RNF170: variants seen among roughly 807,000 people sequenced by gnomAD.
The protein encoded by RNF170 is E3 ubiquitin-protein ligase RNF170.
In RNF170, 12 loss-of-function variants were observed where a neutral mutation model predicts 32.7. That is an observed-to-expected ratio of 0.37 (90% CI 0.24 to 0.60). The LOEUF (loss-of-function observed/expected upper bound fraction) is 0.60. RNF170 is among the 20% of genes least tolerant of loss of function. The pLI, the probability that RNF170 is intolerant of heterozygous loss-of-function variation, is 0.72. For missense variants in RNF170, 212 were observed against 311.2 expected (o/e 0.68, Z 2.40); for synonymous variants, 91 against 103.6 (o/e 0.88, Z 0.74).
chr8:42,896,757 G>GAA (rs1563283365), upstream of RNF170: 14 of 144,542 alleles, frequency 9.7e-5, no homozygotes, highest in African/African-American at 3.6e-4. Flanking sequence ...CAGCGGCGGC[G>GAA]GCGGCGGCGG....
chr8:42,897,120 G>C, upstream of RNF170: 2 of 1,244,230 alleles, frequency 1.6e-6, no homozygotes, highest in Non-Finnish European at 2.0e-6. Flanking sequence ...CTGCCTGGCC[G>C]CGGCGGGGAA....
intron 1 of RNF170, among the ~76,000 whole-genome samples, chr8:42,893,216 G>T (rs1458701625): frequency 6.6e-6 from 1 of 152,112 alleles, no homozygotes; most frequent in Non-Finnish European, 1.5e-5. Context: ...CAAAAACAAG[G>T]TTATTAAATG....
chr8:42,885,555 C>A (rs1248413059), intron 2 of RNF170, among the ~76,000 whole-genome samples: 3 of 152,114 alleles, frequency 2.0e-5, no homozygotes, highest in Admixed American at 6.6e-5. Context: ...TGCTCCACAC[C>A]CTTGCCAATG....
intron 5 of RNF170, 80 bp downstream of exon 5, chr8:42,865,332 ATAAT>A: frequency 9.9e-7 from 1 of 1,007,804 alleles, no homozygotes; most frequent in Admixed American, 1.7e-5. Flanking sequence ...AAAGACAATA[ATAAT>A]TCCAAATGTA....
upstream of RNF170, chr8:42,897,291 G>C (rs566757417): frequency 1.3e-6 from 1 of 770,546 alleles, no homozygotes; most frequent in South Asian, 6.6e-5. Context: ...CGACGGTGCC[G>C]TCACATCCGG....
In RNF170 at chr8:42,855,078, C is replaced by T; in HGVS notation, c.*1081G>A. On this transcript the variant is annotated 3_prime_UTR_variant, in exon 7 of 7. Transcript: ENST00000527424. ...AGATTCACCTTCCTCAGAAATGCAT[C>T]AGGCTACTCTGTGTTTGCAGCATCG... 7.8e-7 allele frequency: 1 copy of T among 1,287,238 alleles called. No homozygotes were observed. Among genetic ancestry groups the T allele is most frequent in the Non-Finnish European group, 1.0e-6 (1 of 988,694 alleles). 79.7% of individuals were successfully genotyped at this position (1,287,238 alleles called of 1,614,324 possible).
At chr8:42,897,091 T>C, upstream of RNF170, 1 of 1,236,542 alleles carries the variant, frequency 8.1e-7, no homozygotes, top group Non-Finnish European at 1.0e-6. Context: ...GGCGGCGGTG[T>C]CTGGCCAGGC....
In RNF170 at chr8:42,887,783, C is replaced by G; in HGVS notation, c.82G>C (p.Val28Leu). The G allele has an allele frequency of 6.2e-7, 1 of 1,613,882 alleles. No individual in the cohort carries two copies. The highest frequency in any genetic ancestry group is 8.5e-7 in the Non-Finnish European group (1 of 1,179,746). ...VIEGVSDQVL[V>L]AVVVSFALIA... ...AAAGCGAAACTGACCACAACTGCCA[C>G]AAGTACTTGGTCGCTTACTCCTTCT... Residue 28 changes from valine (V) to leucine (L), a missense_variant, in exon 2 of 7, where the codon GTG becomes CTG. Val to Leu is a conservative substitution (Grantham distance 32). This residue lies in a region of RNF170 where 115 missense variants were observed against 132.3 expected (regional missense o/e 0.87). Coordinates refer to ENST00000527424, the MANE Select transcript of RNF170 (RefSeq NM_030954.4).
At chr8:42,869,577 G>A (rs185239539) in intron 4 of RNF170, among the ~76,000 whole-genome samples, 1 of 152,270 alleles carries the variant, frequency 6.6e-6, no homozygotes, top group Admixed American at 6.5e-5. Context: ...AGAGGCAGGA[G>A]GACTAAGGCA....
At chr8:42,894,545 C>A (rs773069) in intron 1 of RNF170, among the ~76,000 whole-genome samples, 38,806 of 152,074 alleles carry the variant, frequency 0.26, 7,171 homozygotes, top group African/African-American at 0.51. Context: ...AGGAACCAAA[C>A]ACAGGCGAGA....
chr8:42,896,083 C>T (rs542443506), intron 1 of RNF170: 1 of 212,344 alleles, frequency 4.7e-6, no homozygotes, highest in East Asian at 1.7e-4. Flanking sequence ...TCCGCCTCGC[C>T]ATTAAGCGAA....
Position 42,853,695 on chromosome 8 carries a change from G to T in RNF170, c.*2464C>A. 7.8e-7 allele frequency: 1 copy of T among 1,286,854 alleles called. No individual in the cohort carries two copies. The highest frequency in any genetic ancestry group is 1.0e-6 in the Non-Finnish European group (1 of 988,590). 79.7% of individuals were successfully genotyped at this position (1,286,854 alleles called of 1,614,324 possible). On this transcript the variant is annotated 3_prime_UTR_variant, in exon 7 of 7. Transcript: ENST00000527424. Reference sequence around the variant, plus strand: ...GTATTACTATGATGTTCAAAACTCTGATTGACTCTACTTGCTTTAAAAACT... The same window carrying T: ...GTATTACTATGATGTTCAAAACTCTTATTGACTCTACTTGCTTTAAAAACT...
At chr8:42,881,585 C>CA (rs1805411017) in intron 2 of RNF170, 1 of 152,170 alleles carries the variant, frequency 6.6e-6, no homozygotes, top group Non-Finnish European at 1.5e-5. Context: ...AAGAATGCAG[C>CA]AACATGGATG....
chr8:42,876,077 C>T (rs1049894219), intron 2 of RNF170, among the ~76,000 whole-genome samples: 2 of 151,924 alleles, frequency 1.3e-5, no homozygotes, highest in Admixed American at 6.6e-5. Context: ...AGTAGAAAAC[C>T]ATTCCCTTTT....
At chr8:42,861,116 A>C (rs1474853864) in intron 6 of RNF170, among the ~76,000 whole-genome samples, 2 of 152,256 alleles carry the variant, frequency 1.3e-5, no homozygotes, top group African/African-American at 4.8e-5. Flanking sequence ...AACTTTTCTC[A>C]AAAGACAAAT....
rs759517049 is a variant in RNF170, at chr8:42,896,478, A to C, written c.-8+6T>G. 6.8e-5 allele frequency: 31 copies of C among 453,806 alleles called. 1 individual carries two copies. The highest frequency in any genetic ancestry group is 2.9e-4 in the South Asian group (19 of 64,444). 28.1% of individuals were successfully genotyped at this position (453,806 alleles called of 1,614,324 possible). A position where few individuals can be genotyped will look rare whatever the true frequency, so the allele number is the denominator to read the frequency against. Reference sequence around the variant, plus strand: ...GGTGGGCGTGGCCGCCGCGCGCCGGACGTACCTCTCCACCGCGAAGGAACT... The same window carrying C: ...GGTGGGCGTGGCCGCCGCGCGCCGGCCGTACCTCTCCACCGCGAAGGAACT... On this transcript the variant is annotated splice_donor_region_variant and intron_variant, in intron 1 of 6. Coordinates refer to ENST00000527424, the MANE Select transcript of RNF170 (RefSeq NM_030954.4).
At chr8:42,895,613 G>A (rs972131718) in intron 1 of RNF170, among the ~76,000 whole-genome samples, 2 of 152,294 alleles carry the variant, frequency 1.3e-5, no homozygotes, top group African/African-American at 4.8e-5. Context: ...GTTCTGAGTG[G>A]CCTCAGTCTG....
chr8:42,856,326 G>C lies in RNF170; in HGVS notation c.610C>G (p.Leu204Val). Residue 204 changes from leucine to valine, a missense_variant, in exon 7 of 7, where the codon CTT (leucine) becomes GTT (valine). Physicochemically the swap from Leu to Val is conservative, Grantham distance 32 (BLOSUM62 1). Around this residue, in one of 2 missense-constraint regions of RNF170, gnomAD observed 97 missense variants for 178.9 expected, o/e 0.54. Transcript: ENST00000527424. ...TAGAAAAAAGCTCCCATTAAACAAAGTATTATCCTGATGCGAAACATCCAG... is the reference window on the plus strand; with the variant it reads ...TAGAAAAAAGCTCCCATTAAACAAACTATTATCCTGATGCGAAACATCCAG... The part of the protein sequence containing the change: ...LFWMFRIRII[L>V]CLMGAFFYLI... 1 of 1,591,740 alleles carries C rather than the reference G, an allele frequency of 6.3e-7. No individual in the cohort carries two copies. Among genetic ancestry groups the C allele is most frequent in the Non-Finnish European group, 8.5e-7 (1 of 1,174,170 alleles).
intron 2 of RNF170, among the ~76,000 whole-genome samples, chr8:42,883,099 A>AT (rs1464474574): frequency 6.6e-6 from 1 of 151,778 alleles, no homozygotes; most frequent in Non-Finnish European, 1.5e-5. Flanking sequence ...GTTCTGACTT[A>AT]TAAGTGGGAG....
Sources: allele counts gnomAD v4.1 joint callset (sites outside exome capture counted in the v4.1 genomes callset), GRCh38; gene constraint gnomAD v4.1.1; regional missense constraint gnomAD v4.1.1; transcripts MANE v1.5; gene names NCBI Gene and HGNC (gene_info 2026-07-23, HGNC 2026-07-21).